HNF1B: variants seen among roughly 807,000 people sequenced by gnomAD.
HNF1B encodes HNF1 homeobox B, also known as hepatocyte nuclear factor 1-beta.
A neutral mutation model predicts 61.7 loss-of-function variants in HNF1B; 8 were observed. The ratio of observed to expected loss-of-function variants is 0.13; its 90% CI spans 0.08 to 0.23. The LOEUF (loss-of-function observed/expected upper bound fraction) is 0.23, where lower values mean the gene tolerates loss of function less well. Ranked by LOEUF, HNF1B falls within the 10% of genes least tolerant of loss-of-function variation. The pLI, the probability that HNF1B is intolerant of heterozygous loss-of-function variation, is 1.00. For synonymous variants in HNF1B, 314 were observed against 287.7 expected (o/e 1.09, Z -0.93); for missense variants, 562 against 714.5 (o/e 0.79, Z 2.43).
In HNF1B at chr17:37,733,525, C is replaced by T. The variant is rs370786091; in HGVS notation, c.809+32G>A. 7.4e-6 allele frequency: 12 copies of T among 1,613,962 alleles called. No homozygotes were observed. In the African/African-American group the frequency reaches 8.0e-5, roughly 11 times the overall value. On this transcript the variant is annotated intron_variant, in intron 3 of 8. Coordinates refer to ENST00000617811, the MANE Select transcript of HNF1B (RefSeq NM_000458.4). The stretch of plus-strand genomic sequence containing the variant: ...GGGTTCCTGGGTCTGTGTACTTGCC[C>T]ACCTGCCCAGGTGAGCTTCTGGTGG...
chr17:37,713,289 C>A (rs1198013006), intron 4 of HNF1B, among the ~76,000 whole-genome samples: 2 of 152,192 alleles, frequency 1.3e-5, no homozygotes, highest in Admixed American at 6.5e-5. Context: ...AAAGGGCCAG[C>A]CCTCTGATGA....
At chr17:37,733,436 G>A in intron 3 of HNF1B, 121 bp downstream of exon 3, 1 of 1,144,672 alleles carries the variant, frequency 8.7e-7, no homozygotes, top group Non-Finnish European at 1.3e-6. Context: ...CATACTTTGA[G>A]AAGCTCTGAT....
intron 4 of HNF1B, among the ~76,000 whole-genome samples, chr17:37,712,369 C>T (rs1276773700): frequency 1.3e-5 from 2 of 152,176 alleles, no homozygotes; most frequent in Non-Finnish European, 2.9e-5. Context: ...GCCCAGGCCC[C>T]TGTCCTCCTG....
At chr17:37,725,358 GAGCACAGC>G (rs753233875) in intron 4 of HNF1B, among the ~76,000 whole-genome samples, 9 of 152,146 alleles carry the variant, frequency 5.9e-5, no homozygotes, top group Admixed American at 1.3e-4. Context: ...GGAGCCCCAC[GAGCACAGC>G]AGCCTGGTTT....
chr17:37,689,400 A>G (rs1053538119), intron 8 of HNF1B, among the ~76,000 whole-genome samples: 8 of 152,222 alleles, frequency 5.3e-5, no homozygotes, highest in Non-Finnish European at 1.0e-4. Flanking sequence ...AAGAAGAGCA[A>G]ACAAGAAGGG....
chr17:37,702,403 C>T (rs1309921010), intron 6 of HNF1B, among the ~76,000 whole-genome samples: 1 of 152,164 alleles, frequency 6.6e-6, no homozygotes, highest in South Asian at 2.1e-4. Context: ...GCTTCTGGCT[C>T]TCCTGGGTGG....
At position 37,691,460 on chromosome 17, in the gene HNF1B, C is replaced by T. The variant is rs116847229; in HGVS notation, c.1654-4068G>A. Reference sequence around the variant, plus strand: ...CTATGTAAGAGCACTTCTTTCAACCCCCTCAACACGGGGAAATAAATGCCC... The same window carrying T: ...CTATGTAAGAGCACTTCTTTCAACCTCCTCAACACGGGGAAATAAATGCCC... On this transcript the variant is annotated intron_variant, in intron 8 of 8. Transcript: ENST00000617811. 1.8e-3 allele frequency among the ~76,000 whole-genome samples: 277 copies of T among 152,230 alleles called. 1 individual carries two copies. Among genetic ancestry groups the T allele is most frequent in the Non-Finnish European group, 3.3e-3 (222 of 67,996 alleles).
chr17:37,699,305 T>A, intron 7 of HNF1B, 111 bp from the exon 8 acceptor site: 2 of 839,170 alleles, frequency 2.4e-6, no homozygotes, highest in Non-Finnish European at 2.1e-6. Context: ...ATAAAAGGGC[T>A]GGTGGTTATA....
At chr17:37,722,494 C>T (rs980268989) in intron 4 of HNF1B, among the ~76,000 whole-genome samples, 11 of 152,344 alleles carry the variant, frequency 7.2e-5, no homozygotes, top group African/African-American at 1.9e-4. Flanking sequence ...CCCAGACACA[C>T]GCATCTGAAT....
chr17:37,708,765 A>C (rs2032834791), intron 5 of HNF1B, among the ~76,000 whole-genome samples: 3 of 152,204 alleles, frequency 2.0e-5, no homozygotes, highest in African/African-American at 7.2e-5. Context: ...GTAGGAGAAG[A>C]GGGCTGCAAA....
chr17:37,710,735 T>G, intron 4 of HNF1B, 72 bp from the exon 5 acceptor site: 8 of 1,479,320 alleles, frequency 5.4e-6, no homozygotes, highest in South Asian at 1.2e-5. Context: ...TCGGCACCTC[T>G]TGTTTTCAAG....
intron 5 of HNF1B, among the ~76,000 whole-genome samples, chr17:37,706,667 A>G (rs1048697468): frequency 4.4e-5 from 6 of 137,392 alleles, no homozygotes; most frequent in African/African-American, 1.4e-4. Context: ...TTTTCAAAAT[A>G]CCAGTCATTA....
intron 8 of HNF1B, among the ~76,000 whole-genome samples, chr17:37,693,648 A>T (rs1598799396): frequency 6.6e-6 from 1 of 152,224 alleles, no homozygotes; most frequent in Non-Finnish European, 1.5e-5. Flanking sequence ...TATTTGACCA[A>T]GAAATCCTTC....
At chr17:37,709,566 T>C (rs543595510) in intron 5 of HNF1B, among the ~76,000 whole-genome samples, 256 of 152,320 alleles carry the variant, frequency 1.7e-3, no homozygotes, top group Non-Finnish European at 3.0e-3. Flanking sequence ...TAGAATCTAG[T>C]TTGATGTAGA....
chr17:37,690,135 A>G (rs764411672), intron 8 of HNF1B, among the ~76,000 whole-genome samples: 21 of 152,248 alleles, frequency 1.4e-4, no homozygotes, highest in Non-Finnish European at 2.8e-4. Flanking sequence ...TATGGGAATC[A>G]GGCGAGGCCT....
At chr17:37,723,254 G>A (rs1047846968) in intron 4 of HNF1B, among the ~76,000 whole-genome samples, 2 of 152,086 alleles carry the variant, frequency 1.3e-5, no homozygotes, top group South Asian at 2.1e-4. Context: ...GGCTGAGGCC[G>A]GAGAATGGCG....
chr17:37,731,786 C>G lies in HNF1B; in HGVS notation c.854G>C (p.Gly285Ala). ...CTCAGTGACCAAGTTGGAGCCCAGG[C>G]CGTGGGCTTTGGAGGGGGACACCCC... ...QRGVSPSKAH[G>A]LGSNLVTEVR... is the part of the protein sequence containing the mutation. The change falls in exon 4 of 9, where the codon GGC becomes GCC. Residue 285 changes from glycine to alanine, a missense_variant. Transcript: ENST00000617811. 2 of 1,613,854 alleles carry G rather than the reference C, an allele frequency of 1.2e-6. No homozygotes were observed. Among genetic ancestry groups the G allele is most frequent in the Non-Finnish European group, 8.5e-7 (1 of 1,179,930 alleles).
At chr17:37,700,818 A>G in intron 7 of HNF1B, among the ~76,000 whole-genome samples, 165 bp downstream of exon 7, 1 of 152,212 alleles carries the variant, frequency 6.6e-6, no homozygotes, top group East Asian at 1.9e-4. Flanking sequence ...AAGGTACAGC[A>G]ACACTCAAGA....
chr17:37,689,551 A>C (rs927284611), intron 8 of HNF1B, among the ~76,000 whole-genome samples: 1 of 152,222 alleles, frequency 6.6e-6, no homozygotes, highest in Non-Finnish European at 1.5e-5. Flanking sequence ...CCTCCTTCAG[A>C]GTCTAAACAC....
Sources: allele counts gnomAD v4.1 joint callset (sites outside exome capture counted in the v4.1 genomes callset), GRCh38; gene constraint gnomAD v4.1.1; transcripts MANE v1.5; gene names NCBI Gene and HGNC (gene_info 2026-07-23, HGNC 2026-07-21).